GCLC: variants seen among roughly 807,000 people sequenced by gnomAD.
GCLC encodes glutamate-cysteine ligase catalytic subunit, also known as glutamate--cysteine ligase catalytic subunit.
GCLC carries 30 observed loss-of-function variants against 81.5 expected under a neutral mutation model. The ratio of observed to expected loss-of-function variants is 0.37; its 90% CI spans 0.28 to 0.50. The LOEUF (loss-of-function observed/expected upper bound fraction) is 0.50. Among genes scored for constraint, GCLC ranks in the 20% least tolerant of loss-of-function variants. GCLC has a pLI of 0.96. For synonymous variants in GCLC, 262 were observed against 273.3 expected (o/e 0.96, Z 0.41); for missense variants, 556 against 777.4 (o/e 0.72, Z 3.39).
At chr6:53,526,754 C>A (rs933021853) in intron 1 of GCLC, among the ~76,000 whole-genome samples, 1 of 144,472 alleles carries the variant, frequency 6.9e-6, no homozygotes, top group Non-Finnish European at 1.5e-5. Context: ...GCCGAGATCG[C>A]GGCACTGCAC....
At chr6:53,526,609 T>C (rs549862215) in intron 1 of GCLC, among the ~76,000 whole-genome samples, 189 of 152,028 alleles carry the variant, frequency 1.2e-3, no homozygotes, top group Non-Finnish European at 2.1e-3. Context: ...CCATCCTGGC[T>C]AACACGGTGA....
intron 6 of GCLC, 137 bp from the exon 7 acceptor site, chr6:53,509,387 A>C (rs942433481): frequency 1.9e-5 from 13 of 696,100 alleles, no homozygotes; most frequent in East Asian, 5.4e-5. Context: ...TTAACGCAAG[A>C]GTTTTGTTTA....
chr6:53,497,789 T>C lies in GCLC; in HGVS notation c.*967A>G, dbSNP rs766894010. ...AGTTTTATAGAGAAAGTAAGCAGTATGTAGAATATTCCCCAGGTAAAATCT... is the reference window on the plus strand; with the variant it reads ...AGTTTTATAGAGAAAGTAAGCAGTACGTAGAATATTCCCCAGGTAAAATCT... On this transcript the variant is annotated 3_prime_UTR_variant, in exon 16 of 16. Transcript: ENST00000650454. 3.9e-5 allele frequency: 6 copies of C among 152,740 alleles called. No individual in the cohort carries two copies. The East Asian group carries it at 9.6e-4, about 25-fold the overall frequency. 9.5% of individuals were successfully genotyped at this position (152,740 alleles called of 1,614,324 possible). A position where few individuals can be genotyped will look rare whatever the true frequency, so the allele number is the denominator to read the frequency against.
At chr6:53,509,033 C>T in intron 7 of GCLC, 143 bp downstream of exon 7, 3 of 673,720 alleles carry the variant, frequency 4.5e-6, no homozygotes, top group East Asian at 2.7e-5. Context: ...GTTCATTATA[C>T]CTAAACCTAC....
chr6:53,542,628 G>A (rs1371751212), intron 1 of GCLC, among the ~76,000 whole-genome samples: 2 of 152,142 alleles, frequency 1.3e-5, no homozygotes, highest in Admixed American at 6.5e-5. Context: ...CTCCAACTGT[G>A]CTGCAAATTT....
intron 3 of GCLC, among the ~76,000 whole-genome samples, chr6:53,517,344 G>C (rs1000348551): frequency 3.4e-4 from 47 of 139,530 alleles, no homozygotes; most frequent in Middle Eastern, 4.4e-3. Flanking sequence ...TAATCCTTCT[G>C]CCTCAGCCTC....
At chr6:53,544,384 G>A in intron 1 of GCLC, 112 bp downstream of exon 1, 2 of 1,124,000 alleles carry the variant, frequency 1.8e-6, no homozygotes, top group Middle Eastern at 2.0e-4. Context: ...AGGACCCCCG[G>A]GCGCAGTGGA....
chr6:53,510,931 A>G (rs1172179291), intron 6 of GCLC, among the ~76,000 whole-genome samples: 1 of 152,212 alleles, frequency 6.6e-6, no homozygotes, highest in African/African-American at 2.4e-5. Context: ...ACACAAATTG[A>G]TAAGGGTTGG....
At chr6:53,524,342 T>A (rs1261570564) in intron 1 of GCLC, among the ~76,000 whole-genome samples, 2 of 152,178 alleles carry the variant, frequency 1.3e-5, no homozygotes, top group Non-Finnish European at 2.9e-5. Flanking sequence ...GGTGCCAATC[T>A]TGGTAAGTGA....
At chr6:53,505,557 C>T (rs1033658354) in intron 11 of GCLC, 61 bp from the exon 12 acceptor site, 6 of 901,028 alleles carry the variant, frequency 6.7e-6, no homozygotes, top group Admixed American at 5.2e-5. Flanking sequence ...TCTTCCCTGA[C>T]CCAGGCCCTT....
intron 6 of GCLC, among the ~76,000 whole-genome samples, chr6:53,510,639 C>T (rs1039044252): frequency 7.9e-5 from 12 of 152,052 alleles, no homozygotes; most frequent in South Asian, 4.1e-4. Context: ...TGTTGGTACA[C>T]GACATAATTT....
chr6:53,525,543 A>C (rs1763065209), intron 1 of GCLC, among the ~76,000 whole-genome samples: 1 of 152,238 alleles, frequency 6.6e-6, no homozygotes, highest in Non-Finnish European at 1.5e-5. Context: ...GAAAATAATA[A>C]AACAGATGCC....
Position 53,497,376 on chromosome 6 carries a change from C to T in GCLC, c.*1380G>A, listed in dbSNP as rs930591905. The stretch of plus-strand genomic sequence containing the variant: ...AAAGCTAATTCCATTCTTTTATTTC[C>T]TCATACCACAAACATTTCAATTTAT... On this transcript the variant is annotated 3_prime_UTR_variant, in exon 16 of 16. Transcript: ENST00000650454. 2.0e-5 allele frequency: 3 copies of T among 152,184 alleles called. No individual in the cohort carries two copies. The highest frequency in any genetic ancestry group is 7.2e-5 in the African/African-American group (3 of 41,440). 9.4% of individuals were successfully genotyped at this position (152,184 alleles called of 1,614,324 possible). A position where few individuals can be genotyped will look rare whatever the true frequency, so the allele number is the denominator to read the frequency against.
chr6:53,509,589 C>T, intron 6 of GCLC: 1 of 391,286 alleles, frequency 2.6e-6, no homozygotes, highest in Non-Finnish European at 4.7e-6. Context: ...CCTTCCTATC[C>T]CTTCAGTCAG....
chr6:53,505,518 G>A, intron 11 of GCLC, 22 bp from the exon 12 acceptor site: 1 of 1,263,234 alleles, frequency 7.9e-7, no homozygotes, highest in Non-Finnish European at 1.2e-6. Flanking sequence ...GAAGCCCAGA[G>A]AAGTTATGAA....
intron 3 of GCLC, among the ~76,000 whole-genome samples, chr6:53,519,377 T>C (rs572494): frequency 0.45 from 67,106 of 150,608 alleles, 15,301 homozygotes; most frequent in Admixed American, 0.55. Context: ...CCTCCGCTCC[T>C]CATTCCTATT....
chr6:53,529,055 G>A (rs1208877328), intron 1 of GCLC, among the ~76,000 whole-genome samples: 1 of 152,182 alleles, frequency 6.6e-6, no homozygotes, highest in Non-Finnish European at 1.5e-5. Context: ...ATGTGGCTGT[G>A]TGGATTTAAA....
At chr6:53,508,741 A>G in intron 7 of GCLC, 30 bp from the exon 8 acceptor site, 1 of 1,416,650 alleles carries the variant, frequency 7.1e-7, no homozygotes. Context: ...AGCTCCTGCA[A>G]ATTCAAAGTG....
chr6:53,532,413 A>G (rs12664895), intron 1 of GCLC, among the ~76,000 whole-genome samples: 3,180 of 152,312 alleles, frequency 0.021, 112 homozygotes, highest in East Asian at 0.18. Flanking sequence ...TGCTTCCAGG[A>G]ATAAAGTTTT....
Sources: allele counts gnomAD v4.1 joint callset (sites outside exome capture counted in the v4.1 genomes callset), GRCh38; gene constraint gnomAD v4.1.1; transcripts MANE v1.5; gene names NCBI Gene and HGNC (gene_info 2026-07-23, HGNC 2026-07-21).